The following PCDH15 variants were observed in gnomAD, a reference collection of about 807,000 sequenced individuals.
PCDH15 encodes the protein protocadherin-15.
Under a neutral mutation model 178.5 loss-of-function variants are expected in PCDH15, and 129 were observed. The observed-to-expected ratio is 0.72, with a 90% CI of 0.63 to 0.84. PCDH15 has a LOEUF of 0.84. Ranked by LOEUF, PCDH15 falls within the 40% of genes least tolerant of loss-of-function variation. PCDH15 has a pLI of 0.00. For missense variants in PCDH15, 2,230 were observed against 2,099.9 expected (o/e 1.06, Z -1.21); for synonymous variants, 800 against 732.0 (o/e 1.09, Z -1.50).
intron 3 of PCDH15, among the ~76,000 whole-genome samples, chr10:54,858,482 G>A: frequency 6.6e-6 from 1 of 152,084 alleles, no homozygotes; most frequent in East Asian, 1.9e-4. Context: ...TGATAATGGT[G>A]ATGTTCAGTG....
At chr10:55,030,292 G>C (rs1840578141) in intron 2 of PCDH15, among the ~76,000 whole-genome samples, 1 of 152,190 alleles carries the variant, frequency 6.6e-6, no homozygotes, top group Non-Finnish European at 1.5e-5. Context: ...ACACATGCCA[G>C]AGGGCTGAGG....
At chr10:55,256,561 C>T (rs1437681537) in intron 1 of PCDH15, among the ~76,000 whole-genome samples, 1 of 152,182 alleles carries the variant, frequency 6.6e-6, no homozygotes, top group East Asian at 1.9e-4. Context: ...TGGCAAACGG[C>T]ACACCAGGAG....
At chr10:55,099,784 A>G (rs1842533356) in intron 2 of PCDH15, among the ~76,000 whole-genome samples, 1 of 140,136 alleles carries the variant, frequency 7.1e-6, no homozygotes, top group Non-Finnish European at 1.5e-5. Context: ...CTTGACTGCC[A>G]AAAAAAAGAC....
At chr10:54,344,904 C>CCAAAAAAAAAAAAAAAAAAAAAAAAA (rs58908008) in intron 6 of PCDH15, among the ~76,000 whole-genome samples, 1 of 78,888 alleles carries the variant, frequency 1.3e-5, no homozygotes, top group African/African-American at 4.9e-5. Context: ...AGAAACAAAG[C>CCAAAAAAAAAAAAAAAAAAAAAAAAA]AAAAAAAAAA....
chr10:54,000,422 A>C (rs1381280303), intron 20 of PCDH15, among the ~76,000 whole-genome samples: 1 of 152,150 alleles, frequency 6.6e-6, no homozygotes, highest in Non-Finnish European at 1.5e-5. Flanking sequence ...AGAAAACTCA[A>C]AAAATTCAAG....
At chr10:55,410,540 T>A (rs1838305822) in intron 2 of PCDH15, among the ~76,000 whole-genome samples, 1 of 151,890 alleles carries the variant, frequency 6.6e-6, no homozygotes, top group South Asian at 2.1e-4. Context: ...AAACCTGGAG[T>A]CTTACCCCCG....
At chr10:55,617,354 A>G (rs920354475) in intron 2 of PCDH15, among the ~76,000 whole-genome samples, 2 of 151,976 alleles carry the variant, frequency 1.3e-5, no homozygotes, top group African/African-American at 4.8e-5. Context: ...AAAAAGATAT[A>G]CTCTTCACTG....
chr10:54,719,741 T>C lies in PCDH15; in HGVS notation c.-28-55451A>G, dbSNP rs544386831. ...CCCTTCGTGTGTCCATGTGTTCTCA[T>C]TGTTCAATTCCCACTTATGAGTGAG... On this transcript the variant is annotated intron_variant, in intron 1 of 37. Transcript: ENST00000644397. Among the ~76,000 whole-genome samples, 69 of 152,168 alleles carry C rather than the reference T, an allele frequency of 4.5e-4. No homozygotes were observed. In the Middle Eastern group the frequency reaches 0.01, roughly 23 times the overall value.
intron 14 of PCDH15, among the ~76,000 whole-genome samples, chr10:54,146,950 GTATATATATATAA>G (rs760580264): frequency 1.2e-3 from 97 of 78,326 alleles, no homozygotes; most frequent in Non-Finnish European, 1.4e-3. Flanking sequence ...TATATATAGT[GTATATATATATAA>G]TGTATATATA....
chr10:55,278,117 G>A (rs1180127855), intron 1 of PCDH15, among the ~76,000 whole-genome samples: 2 of 152,066 alleles, frequency 1.3e-5, no homozygotes, highest in Non-Finnish European at 2.9e-5. Flanking sequence ...GAACAGATAT[G>A]TTAATATGCG....
rs368329883 is a variant in PCDH15, at chr10:55,131,464, C to T, written c.-80+35112G>A. ...TTGTCACCCACAACGTGGTGAGTGGCGGTGGAGGTATGTTTCAGCCCTGTT... is the reference window on the plus strand; with the variant it reads ...TTGTCACCCACAACGTGGTGAGTGGTGGTGGAGGTATGTTTCAGCCCTGTT... On this transcript the variant is annotated intron_variant, in intron 2 of 5. Transcript: ENST00000458638. Among the ~76,000 whole-genome samples, 34 of 152,266 alleles carry T rather than the reference C, an allele frequency of 2.2e-4. No homozygotes were observed. In the East Asian group the frequency reaches 2.5e-3, roughly 11 times the overall value.
At chr10:54,870,413 T>C (rs1307011887) in intron 3 of PCDH15, among the ~76,000 whole-genome samples, 1 of 152,194 alleles carries the variant, frequency 6.6e-6, no homozygotes, top group Non-Finnish European at 1.5e-5. Context: ...GATAGTTTTG[T>C]TTTAGTGTTC....
At chr10:55,174,162 T>C (rs1295026160) in intron 1 of PCDH15, among the ~76,000 whole-genome samples, 8 of 152,198 alleles carry the variant, frequency 5.3e-5, no homozygotes, top group Admixed American at 4.6e-4. Flanking sequence ...CTTACTTTTC[T>C]TTTTTGGAAG....
intron 12 of PCDH15, 138 bp downstream of exon 12, chr10:54,184,996 T>C: frequency 2.0e-6 from 2 of 1,003,440 alleles, no homozygotes; most frequent in Non-Finnish European, 3.0e-6. Flanking sequence ...TGATCTTCTC[T>C]CTGGTATTGA....
chr10:54,035,287 C>A (rs2093390126), intron 18 of PCDH15, among the ~76,000 whole-genome samples: 1 of 151,832 alleles, frequency 6.6e-6, no homozygotes, highest in Non-Finnish European at 1.5e-5. Context: ...GCATTTTTTA[C>A]AAATTGAAGG....
chr10:53,819,319 C>A lies in PCDH15; in HGVS notation c.4433+846G>T, dbSNP rs560628665. 2.6e-5 allele frequency among the ~76,000 whole-genome samples: 4 copies of A among 152,060 alleles called. No individual in the cohort carries two copies. In the East Asian group the frequency reaches 5.8e-4, roughly 22 times the overall value. ...TCCATCAATGTGAAAAATAAAATAT[C>A]AATAGATAAACTATAACTCAATGTT... On this transcript the variant is annotated intron_variant, in intron 33 of 37. Transcript: ENST00000644397.
At chr10:55,054,656 A>G (rs1003879554) in intron 2 of PCDH15, among the ~76,000 whole-genome samples, 1 of 151,946 alleles carries the variant, frequency 6.6e-6, no homozygotes, top group African/African-American at 2.4e-5. Flanking sequence ...CAGTATAAGC[A>G]TTTCTTTTTC....
At chr10:55,037,614 T>C (rs7086708) in intron 2 of PCDH15, among the ~76,000 whole-genome samples, 1,841 of 152,314 alleles carry the variant, frequency 0.012, 44 homozygotes, top group African/African-American at 0.039. Flanking sequence ...TTTGACATCA[T>C]GGATCTGAAA....
chr10:54,958,766 CA>C (rs917265000), intron 2 of PCDH15, among the ~76,000 whole-genome samples: 11 of 148,564 alleles, frequency 7.4e-5, no homozygotes, highest in South Asian at 2.1e-4. Flanking sequence ...AAAGGATAGT[CA>C]AAAAAAAATA....
Sources: allele counts gnomAD v4.1 joint callset (sites outside exome capture counted in the v4.1 genomes callset), GRCh38; gene constraint gnomAD v4.1.1; transcripts MANE v1.5; gene names NCBI Gene and HGNC (gene_info 2026-07-23, HGNC 2026-07-21).